Variants in TIAM1 observed in about 807,000 individuals in gnomAD.
The protein encoded by TIAM1 is TIAM Rac1 associated GEF 1.
A neutral mutation model predicts 163.5 loss-of-function variants in TIAM1; 65 were observed. The ratio of observed to expected loss-of-function variants is 0.40; its 90% CI spans 0.33 to 0.49. The LOEUF (loss-of-function observed/expected upper bound fraction) is 0.49. Ranked by LOEUF, TIAM1 falls within the 20% of genes least tolerant of loss-of-function variation. The pLI, the probability that TIAM1 is intolerant of heterozygous loss-of-function variation, is 0.77. For missense variants in TIAM1, 1,789 were observed against 2,044.7 expected (o/e 0.87, Z 2.41); for synonymous variants, 833 against 810.1 (o/e 1.03, Z -0.48).
At chr21:31,285,782 AC>A (rs1320093897) in intron 2 of TIAM1, among the ~76,000 whole-genome samples, 2 of 151,946 alleles carry the variant, frequency 1.3e-5, no homozygotes, top group Non-Finnish European at 2.9e-5. Flanking sequence ...AATCGCTTGA[AC>A]CCAGGAGGTG....
In TIAM1 at chr21:31,276,806, T is replaced by G. The variant is rs2146857997; in HGVS notation, c.-86A>C. 1 of 152,286 alleles carries G rather than the reference T, an allele frequency of 6.6e-6. No homozygotes were observed. The highest frequency in any genetic ancestry group is 6.5e-5 in the Admixed American group (1 of 15,302). 9.4% of individuals were successfully genotyped at this position (152,286 alleles called of 1,614,324 possible). ...GGCATTTAGATATTGAGGTTGGAAA[T>G]GATGTCCGGATGAACAGCCACAGGG... On this transcript the variant is annotated 5_prime_UTR_variant, in exon 3 of 28. Coordinates refer to ENST00000541036, the MANE Select transcript of TIAM1 (RefSeq NM_001353694.2).
chr21:31,183,770 C>T (rs1231285878), intron 14 of TIAM1, among the ~76,000 whole-genome samples: 1 of 151,298 alleles, frequency 6.6e-6, no homozygotes, highest in Non-Finnish European at 1.5e-5. Flanking sequence ...TCTTGGCTCA[C>T]TGCAACCTCT....
chr21:31,244,090 C>T (rs1490375022), intron 6 of TIAM1, among the ~76,000 whole-genome samples: 4 of 152,116 alleles, frequency 2.6e-5, no homozygotes, highest in Non-Finnish European at 5.9e-5. Flanking sequence ...GAGCAGTACA[C>T]TTATGTTGTG....
At chr21:31,199,793 G>A (rs1001269873) in intron 12 of TIAM1, among the ~76,000 whole-genome samples, 7 of 150,970 alleles carry the variant, frequency 4.6e-5, no homozygotes, top group Admixed American at 1.3e-4. Context: ...GCCTCCCAAA[G>A]TGCTGGGATT....
At chr21:31,206,436 A>G (rs920524306) in intron 11 of TIAM1, among the ~76,000 whole-genome samples, 1 of 152,244 alleles carries the variant, frequency 6.6e-6, no homozygotes, top group Admixed American at 6.5e-5. Flanking sequence ...TAAACATAGT[A>G]ATTCTAAATG....
At chr21:31,336,391 A>G (rs929778310) in intron 2 of TIAM1, among the ~76,000 whole-genome samples, 1 of 152,006 alleles carries the variant, frequency 6.6e-6, no homozygotes, top group African/African-American at 2.4e-5. Flanking sequence ...AAGAGATGAC[A>G]CATCCATTCT....
chr21:31,247,924 C>T (rs1241204569), intron 5 of TIAM1, among the ~76,000 whole-genome samples: 1 of 152,112 alleles, frequency 6.6e-6, no homozygotes, highest in Non-Finnish European at 1.5e-5. Context: ...GAGGGGGAAA[C>T]CGTTTTCCTC....
intron 18 of TIAM1, 45 bp from the exon 19 acceptor site, chr21:31,152,806 T>G (rs2083442330): frequency 1.3e-5 from 21 of 1,594,610 alleles, no homozygotes; most frequent in Non-Finnish European, 1.8e-5. Context: ...CTCATTAGTC[T>G]TCCTAAACGT....
Position 31,465,751 on chromosome 21 carries a change from T to C in TIAM1, c.-421-1716A>G, listed in dbSNP as rs935926486. ...ATGCCCAGCGAATTTTTTGTATTTTTAGTAGAGACGGGGTTTCACCGTGTT... is the reference window on the plus strand; with the variant it reads ...ATGCCCAGCGAATTTTTTGTATTTTCAGTAGAGACGGGGTTTCACCGTGTT... On this transcript the variant is annotated intron_variant, in intron 1 of 28. Coordinates refer to the TIAM1 transcript ENST00000286827. Among the ~76,000 whole-genome samples, 8 of 152,300 alleles carry C rather than the reference T, an allele frequency of 5.3e-5. No individual in the cohort carries two copies. In the East Asian group the frequency reaches 1.2e-3, roughly 22 times the overall value.
intron 15 of TIAM1, among the ~76,000 whole-genome samples, chr21:31,180,039 G>A (rs2084941845): frequency 6.6e-6 from 1 of 151,408 alleles, no homozygotes; most frequent in South Asian, 2.1e-4. Context: ...CCGAGTAGCT[G>A]GGATTACAGG....
intron 5 of TIAM1, among the ~76,000 whole-genome samples, chr21:31,250,165 A>AG (rs1263972084): frequency 1.1e-4 from 17 of 147,860 alleles, no homozygotes; most frequent in African/African-American, 4.2e-4. Context: ...AAAAAAAAAA[A>AG]AAAAAAGAAA....
chr21:31,539,157 C>G (rs920637218), intron 1 of TIAM1, among the ~76,000 whole-genome samples: 1 of 152,118 alleles, frequency 6.6e-6, no homozygotes, highest in Admixed American at 6.5e-5. Flanking sequence ...AATCTCTCAA[C>G]AGGAAATTTC....
At chr21:31,451,372 G>A (rs1277610725) in intron 2 of TIAM1, among the ~76,000 whole-genome samples, 1 of 152,170 alleles carries the variant, frequency 6.6e-6, no homozygotes, top group Non-Finnish European at 1.5e-5. Context: ...TTTAAATTCA[G>A]ATAATTCACC....
chr21:31,480,282 G>A (rs756092657), intron 1 of TIAM1, among the ~76,000 whole-genome samples: 1 of 152,162 alleles, frequency 6.6e-6, no homozygotes, highest in Non-Finnish European at 1.5e-5. Context: ...ACCTACTCTT[G>A]TCACAAAGCA....
At chr21:31,251,639 T>A in intron 5 of TIAM1, 103 bp downstream of exon 5, 2 of 1,208,606 alleles carry the variant, frequency 1.7e-6, no homozygotes, top group Non-Finnish European at 2.3e-6. Flanking sequence ...TCAAATTCTG[T>A]ATAACAACAA....
chr21:31,283,220 T>C (rs1050465607), intron 2 of TIAM1, among the ~76,000 whole-genome samples: 2 of 152,182 alleles, frequency 1.3e-5, no homozygotes, highest in African/African-American at 4.8e-5. Context: ...GTTCTTGGTG[T>C]TTATCACCTT....
chr21:31,472,112 C>T (rs1229277583), intron 1 of TIAM1, among the ~76,000 whole-genome samples: 2 of 152,110 alleles, frequency 1.3e-5, no homozygotes, highest in South Asian at 2.1e-4. Flanking sequence ...ACTGACTGGA[C>T]GGCCGTGTGC....
chr21:31,537,405 C>T (rs946337692), intron 1 of TIAM1, among the ~76,000 whole-genome samples: 1 of 149,264 alleles, frequency 6.7e-6, no homozygotes, highest in Non-Finnish European at 1.5e-5. Context: ...AAAATTAGCA[C>T]GCCTGTGCTT....
At chr21:31,381,655 G>A (rs1373486830) in intron 2 of TIAM1, among the ~76,000 whole-genome samples, 1 of 152,074 alleles carries the variant, frequency 6.6e-6, no homozygotes, top group Non-Finnish European at 1.5e-5. Flanking sequence ...GCAACAGAGT[G>A]AGACTCTGTC....
Sources: gnomAD v4.1 joint callset for allele counts (sites outside exome capture counted in the v4.1 genomes callset) on GRCh38, gnomAD v4.1.1 for gene constraint, MANE v1.5 for transcripts, NCBI Gene and HGNC (gene_info 2026-07-23, HGNC 2026-07-21) for gene names.